The following DLG2 variants were observed in gnomAD, a reference collection of about 807,000 sequenced individuals.
DLG2 encodes the protein discs large MAGUK scaffold protein 2.
In DLG2, 45 loss-of-function variants were observed where a neutral mutation model predicts 132.5. The observed-to-expected ratio is 0.34, with a 90% CI of 0.27 to 0.44. The LOEUF (loss-of-function observed/expected upper bound fraction) is 0.44. DLG2 is among the 20% of genes least tolerant of loss of function. The pLI, the probability that DLG2 is intolerant of heterozygous loss-of-function variation, is 1.00. For synonymous variants in DLG2, 424 were observed against 419.6 expected, an observed-to-expected ratio of 1.01 and a Z score of -0.13; for missense variants, 1,045 against 1,196.9, an observed-to-expected ratio of 0.87 and a Z score of 1.87.
At chr11:84,807,128 A>C (rs1440407722) in intron 6 of DLG2, among the ~76,000 whole-genome samples, 2 of 152,170 alleles carry the variant, frequency 1.3e-5, no homozygotes, top group Admixed American at 6.5e-5. Flanking sequence ...AATAAAAAAC[A>C]GAGAGAACAA....
At chr11:84,348,023 G>A (rs2098546592) in intron 7 of DLG2, among the ~76,000 whole-genome samples, 1 of 152,120 alleles carries the variant, frequency 6.6e-6, no homozygotes, top group Non-Finnish European at 1.5e-5. Context: ...ACATTCACAA[G>A]CTTGTTATGA....
intron 7 of DLG2, among the ~76,000 whole-genome samples, chr11:84,495,912 G>A (rs551393258): frequency 6.6e-6 from 1 of 152,146 alleles, no homozygotes; most frequent in African/African-American, 2.4e-5. Context: ...CTGAACCACA[G>A]AATGAATGCT....
chr11:85,152,008 AT>A (rs1250149768), intron 5 of DLG2, among the ~76,000 whole-genome samples: 4 of 152,204 alleles, frequency 2.6e-5, no homozygotes, highest in Non-Finnish European at 5.9e-5. Flanking sequence ...GCTGAGTGGC[AT>A]TCAGAAAAAG....
intron 11 of DLG2, among the ~76,000 whole-genome samples, chr11:83,985,907 T>C (rs2154178497): frequency 6.6e-6 from 1 of 152,186 alleles, no homozygotes; most frequent in Non-Finnish European, 1.5e-5. Flanking sequence ...TTTTTTCCTC[T>C]AGGTCTTTGA....
chr11:83,725,218 C>A (rs1241125584), intron 18 of DLG2: 1 of 271,278 alleles, frequency 3.7e-6, no homozygotes, highest in Non-Finnish European at 7.0e-6. Context: ...CTGGAAAAGT[C>A]GAAGAGGTGA....
At chr11:84,622,070 G>T (rs1729796573) in intron 6 of DLG2, among the ~76,000 whole-genome samples, 2 of 152,108 alleles carry the variant, frequency 1.3e-5, no homozygotes, top group African/African-American at 4.8e-5. Context: ...CATCAAAGGG[G>T]GCATTGTTTG....
chr11:84,229,972 T>A (rs1259364849), intron 8 of DLG2, among the ~76,000 whole-genome samples: 1 of 152,188 alleles, frequency 6.6e-6, no homozygotes, highest in Non-Finnish European at 1.5e-5. Flanking sequence ...GAGATGAATA[T>A]CCCAGAATTT....
At chr11:85,200,184 T>C (rs967845124) in intron 4 of DLG2, among the ~76,000 whole-genome samples, 2 of 152,104 alleles carry the variant, frequency 1.3e-5, no homozygotes, top group African/African-American at 4.8e-5. Context: ...GATTCAACAA[T>C]TGTGCTCCAG....
At chr11:83,891,471 C>T (rs560394077) in intron 15 of DLG2, among the ~76,000 whole-genome samples, 2 of 152,134 alleles carry the variant, frequency 1.3e-5, no homozygotes, top group Admixed American at 6.6e-5. Flanking sequence ...AGGTCATGAG[C>T]GCTTTTAAGC....
chr11:84,588,797 A>AAC (rs1311770403), intron 6 of DLG2, among the ~76,000 whole-genome samples: 1 of 150,012 alleles, frequency 6.7e-6, no homozygotes, highest in African/African-American at 2.5e-5. Context: ...AAAAAAAAAA[A>AAC]CAAAATATGG....
intron 6 of DLG2, among the ~76,000 whole-genome samples, chr11:84,781,041 A>G (rs2153908208): frequency 7.2e-6 from 1 of 139,610 alleles, no homozygotes; most frequent in East Asian, 2.0e-4. Context: ...GTCTGCCAAA[A>G]GTTCATCATA....
chr11:85,233,161 A>C (rs192313076), intron 4 of DLG2, among the ~76,000 whole-genome samples: 1 of 151,670 alleles, frequency 6.6e-6, no homozygotes, highest in Admixed American at 6.6e-5. Context: ...GTTCTGACAT[A>C]TGGGTGATTT....
intron 3 of DLG2, among the ~76,000 whole-genome samples, chr11:85,547,500 C>T (rs939367981): frequency 6.6e-6 from 1 of 152,114 alleles, no homozygotes; most frequent in Non-Finnish European, 1.5e-5. Context: ...TTGCGGTGTT[C>T]TCTGTAGTTC....
intron 7 of DLG2, among the ~76,000 whole-genome samples, chr11:84,367,011 AT>A (rs1210775167): frequency 6.6e-6 from 1 of 152,056 alleles, no homozygotes; most frequent in Non-Finnish European, 1.5e-5. Context: ...CAGAATATAC[AT>A]TTTTTTCAGC....
intron 6 of DLG2, among the ~76,000 whole-genome samples, chr11:84,879,959 G>A (rs2087022197): frequency 6.6e-6 from 1 of 152,026 alleles, no homozygotes; most frequent in Non-Finnish European, 1.5e-5. Context: ...CCAAATCAGT[G>A]ACAGCCTAGG....
chr11:83,907,773 G>C (rs1202760860), intron 15 of DLG2, among the ~76,000 whole-genome samples: 1 of 152,116 alleles, frequency 6.6e-6, no homozygotes, highest in Non-Finnish European at 1.5e-5. Flanking sequence ...AAGCAAGCCT[G>C]AGTTCCTTCC....
chr11:83,829,395 C>T (rs1163610602), intron 17 of DLG2, among the ~76,000 whole-genome samples: 1 of 152,022 alleles, frequency 6.6e-6, no homozygotes, highest in Non-Finnish European at 1.5e-5. Flanking sequence ...CAGGGTTTCA[C>T]CATGTTGGCC....
chr11:85,513,960 G>C (rs2094126922), intron 3 of DLG2, among the ~76,000 whole-genome samples: 1 of 151,832 alleles, frequency 6.6e-6, no homozygotes, highest in Non-Finnish European at 1.5e-5. Context: ...TTTAGTTGAA[G>C]TATTCACTAG....
At chr11:85,000,564 G>T (rs2058119300) in intron 6 of DLG2, among the ~76,000 whole-genome samples, 1 of 152,018 alleles carries the variant, frequency 6.6e-6, no homozygotes, top group Non-Finnish European at 1.5e-5. Flanking sequence ...GGTGAATTAG[G>T]GAATGTGAAT....
Sources: allele counts gnomAD v4.1 joint callset (sites outside exome capture counted in the v4.1 genomes callset), GRCh38; gene constraint gnomAD v4.1.1; transcripts MANE v1.5; gene names NCBI Gene and HGNC (gene_info 2026-07-23, HGNC 2026-07-21).